Variants in FAM20C observed in about 807,000 individuals in gnomAD.
FAM20C encodes extracellular serine/threonine protein kinase FAM20C.
A neutral mutation model predicts 51.5 loss-of-function variants in FAM20C; 40 were observed. That is an observed-to-expected ratio of 0.78 (90% CI 0.60 to 1.01). The LOEUF (loss-of-function observed/expected upper bound fraction) is 1.01. FAM20C is among the 50% of genes least tolerant of loss of function. The pLI is 0.00. For missense variants in FAM20C, 861 were observed against 844.7 expected (o/e 1.02, Z -0.24); for synonymous variants, 406 against 380.6 (o/e 1.07, Z -0.78).
At chr7:228,662 T>C (rs1562383950) in intron 3 of FAM20C, 1 of 456,276 alleles carries the variant, frequency 2.2e-6, no homozygotes, top group African/African-American at 2.0e-5. Context: ...TTTGGACAAC[T>C]GGTGCCTGGA....
chr7:244,309 T>G (rs562722087), intron 3 of FAM20C, among the ~76,000 whole-genome samples: 1 of 151,868 alleles, frequency 6.6e-6, no homozygotes, highest in Non-Finnish European at 1.5e-5. Context: ...GTGGAATGAG[T>G]TTTGCTCAAA....
chr7:203,938 C>T (rs139317368), intron 2 of FAM20C, among the ~76,000 whole-genome samples: 2 of 152,280 alleles, frequency 1.3e-5, no homozygotes, highest in South Asian at 2.1e-4. Context: ...GGGCTTAATC[C>T]GGCTACTAAT....
chr7:199,611 C>T (rs1786037936), intron 2 of FAM20C, among the ~76,000 whole-genome samples: 1 of 152,224 alleles, frequency 6.6e-6, no homozygotes, highest in Non-Finnish European at 1.5e-5. Context: ...CATTAAATCT[C>T]TCCTGCTCAG....
In FAM20C at chr7:251,738, T is replaced by C. The variant is rs549049967; in HGVS notation, c.1072+3308T>C. Reference sequence around the variant, plus strand: ...ACGTCTCCCTGGAGCCAGCACTTTATTAAGCGCTCCAGCAGCTTCCCTGGC... The same window carrying C: ...ACGTCTCCCTGGAGCCAGCACTTTACTAAGCGCTCCAGCAGCTTCCCTGGC... On this transcript the variant is annotated intron_variant, in intron 5 of 9. Transcript: ENST00000313766. Among the ~76,000 whole-genome samples, 5 of 152,284 alleles carry C rather than the reference T, an allele frequency of 3.3e-5. No homozygotes were observed. The South Asian group carries it at 8.3e-4, about 25-fold the overall frequency.
At chr7:195,765 G>A in intron 2 of FAM20C, 33 bp downstream of exon 2, 2 of 1,512,564 alleles carry the variant, frequency 1.3e-6, no homozygotes, top group South Asian at 1.3e-5. Context: ...AGGGCCGTCT[G>A]TGTGCCGGCT....
At chr7:223,607 C>T (rs1432738799) in intron 3 of FAM20C, among the ~76,000 whole-genome samples, 5 of 152,276 alleles carry the variant, frequency 3.3e-5, no homozygotes, top group East Asian at 3.9e-4. Flanking sequence ...GTGTGTGGGG[C>T]GTCCCGGCTG....
chr7:198,338 C>T (rs1230460240), intron 2 of FAM20C, among the ~76,000 whole-genome samples: 1 of 152,164 alleles, frequency 6.6e-6, no homozygotes, highest in African/African-American at 2.4e-5. Context: ...CCTCCAGCAC[C>T]TGGTTTCTCA....
chr7:201,960 G>A (rs924318308), intron 2 of FAM20C, among the ~76,000 whole-genome samples: 1 of 152,250 alleles, frequency 6.6e-6, no homozygotes, highest in Non-Finnish European at 1.5e-5. Context: ...ATGTTAACTA[G>A]TGACGTAGAT....
At chr7:230,922 G>T (rs1021278100) in intron 3 of FAM20C, among the ~76,000 whole-genome samples, 4 of 152,204 alleles carry the variant, frequency 2.6e-5, no homozygotes, top group Admixed American at 1.3e-4. Context: ...CCTGGCTTCA[G>T]TGTGGACCCG....
intron 3 of FAM20C, 55 bp from the exon 4 acceptor site, chr7:246,359 GC>G: frequency 7.0e-7 from 1 of 1,437,430 alleles, no homozygotes; most frequent in Non-Finnish European, 9.5e-7. Flanking sequence ...CCTGCCTCCG[GC>G]CCCTGGAGGC....
At position 198,869 on chromosome 7, in the gene FAM20C, G is replaced by C. The variant is rs183526417; in HGVS notation, c.784+3137G>C. Among the ~76,000 whole-genome samples the C allele has an allele frequency of 9.2e-4, 140 of 152,354 alleles. 1 individual carries two copies. Among genetic ancestry groups the C allele is most frequent in the Admixed American group, 4.0e-3 (61 of 15,312 alleles). ...ATCTGGGGAAGCCAGGGCTGGGCAG[G>C]TGCCTGAGCCTCATGAGGGTCTCAG... On this transcript the variant is annotated intron_variant, in intron 2 of 9. Coordinates refer to ENST00000313766, the MANE Select transcript of FAM20C (RefSeq NM_020223.4).
Position 241,735 on chromosome 7 carries a change from G to A in FAM20C, c.864-4680G>A, listed in dbSNP as rs901642145. On this transcript the variant is annotated intron_variant, in intron 3 of 9. Transcript: ENST00000313766. ...TAATGTGCATCCACTGTGAGCGCCC[G>A]TGTGTGTGTTTCTGAGTGTGCAGGT... is the stretch of plus-strand genomic sequence containing the variant. Among the ~76,000 whole-genome samples, 558 of 152,002 alleles carry A rather than the reference G, an allele frequency of 3.7e-3. 2 individuals carry two copies. The highest frequency in any genetic ancestry group is 0.013 in the African/African-American group (522 of 41,382).
chr7:209,074 G>A (rs1002324408), intron 3 of FAM20C, 98 bp downstream of exon 3: 20 of 1,234,730 alleles, frequency 1.6e-5, no homozygotes, highest in Non-Finnish European at 2.2e-5. Context: ...TCCTCCCAGG[G>A]TGTTTTGGGG....
At chr7:236,171 C>A (rs1787842283) in intron 3 of FAM20C, among the ~76,000 whole-genome samples, 1 of 152,020 alleles carries the variant, frequency 6.6e-6, no homozygotes. Flanking sequence ...AGCATCCCCT[C>A]CTGATCCCTG....
intron 3 of FAM20C, among the ~76,000 whole-genome samples, chr7:209,597 G>A (rs777949484): frequency 1.8e-4 from 27 of 152,194 alleles, no homozygotes; most frequent in Non-Finnish European, 3.5e-4. Context: ...CGTGGCACGC[G>A]ACAGCTCGTG....
rs371020736 is a variant in FAM20C at position 219,095 on chromosome 7, A to G, written c.863+10119A>G. On this transcript the variant is annotated intron_variant, in intron 3 of 9. Transcript: ENST00000313766. ...GCTGGCCCCTCCTGGGGTCGTCACCATGGGTGGTGGTGGTGTTTGGAGGCA... is the reference window on the plus strand; with the variant it reads ...GCTGGCCCCTCCTGGGGTCGTCACCGTGGGTGGTGGTGGTGTTTGGAGGCA... Among the ~76,000 whole-genome samples the G allele has an allele frequency of 2.0e-5, 3 of 151,788 alleles. 1 individual carries two copies. The highest frequency in any genetic ancestry group is 6.5e-5 in the Admixed American group (1 of 15,270).
chr7:237,364 A>G (rs2115130864), intron 3 of FAM20C, among the ~76,000 whole-genome samples: 1 of 152,366 alleles, frequency 6.6e-6, no homozygotes, highest in Non-Finnish European at 1.5e-5. Flanking sequence ...TTTTAGCATC[A>G]CACAACGTTG....
At chr7:258,948 G>A (rs542605551) in intron 9 of FAM20C, among the ~76,000 whole-genome samples, 21 of 152,304 alleles carry the variant, frequency 1.4e-4, no homozygotes, top group Admixed American at 2.0e-4. Context: ...CTCTGTGTCC[G>A]TCCTGCCACC....
intron 2 of FAM20C, among the ~76,000 whole-genome samples, chr7:198,738 C>T (rs1786001481): frequency 6.6e-6 from 1 of 152,210 alleles, no homozygotes; most frequent in Non-Finnish European, 1.5e-5. Context: ...CCTGACAGCG[C>T]ACCTGCTGGG....
Sources: allele counts gnomAD v4.1 joint callset (sites outside exome capture counted in the v4.1 genomes callset), GRCh38; gene constraint gnomAD v4.1.1; transcripts MANE v1.5; gene names NCBI Gene and HGNC (gene_info 2026-07-23, HGNC 2026-07-21).